The following USH1C variants were observed in gnomAD, a reference collection of about 807,000 sequenced individuals.
USH1C encodes the protein USH1 protein network component harmonin.
A neutral mutation model predicts 119.3 loss-of-function variants in USH1C; 90 were observed. The ratio of observed to expected loss-of-function variants is 0.75; its 90% confidence interval spans 0.64 to 0.90. USH1C has a LOEUF of 0.90. Among genes scored for constraint, USH1C ranks in the 40% least tolerant of loss-of-function variants. The probability of loss-of-function intolerance (pLI) is 0.00; values close to 1 mark genes in which losing one functional copy is unlikely to be tolerated. For synonymous variants in USH1C, 465 were observed against 443.3 expected (o/e 1.05, Z -0.62); for missense variants, 1,165 against 1,167.7 (o/e 1.00, Z 0.03).
intron 1 of USH1C, among the ~76,000 whole-genome samples, chr11:17,539,342 A>G (rs1342131823): frequency 1.3e-5 from 2 of 152,170 alleles, no homozygotes; most frequent in African/African-American, 4.8e-5. Context: ...GTGTGGTGGT[A>G]GAGCCAAAGA....
rs749937177 is a variant in USH1C at position 17,498,210 on chromosome 11, G to C, written c.2442C>G (p.Thr814=). The C allele has an allele frequency of 8.1e-6, 13 of 1,614,042 alleles. No homozygotes were observed. Among genetic ancestry groups the C allele is most frequent in the Non-Finnish European group, 1.1e-5 (13 of 1,180,024 alleles). Residue 814 remains threonine (T), a synonymous_variant, in exon 24 of 27, where the codon ACC becomes ACG. Transcript: ENST00000005226. ...AINGKIVTDY[T]LAEAEAALQK... ...GCAGGGCAGCCTCAGCCTCAGCCAG[G>C]GTGTAGTCTGTCACAATCTTGCCGT...
chr11:17,522,377 C>T (rs574718122), intron 12 of USH1C, among the ~76,000 whole-genome samples: 77 of 152,290 alleles, frequency 5.1e-4, no homozygotes, highest in Admixed American at 1.2e-3. Context: ...TGTCAGTCTC[C>T]ACACCTCTAA....
chr11:17,498,303 G>T (rs756498183), intron 23 of USH1C, 32 bp from the exon 24 acceptor site: 8 of 1,600,998 alleles, frequency 5.0e-6, no homozygotes, highest in Non-Finnish European at 6.8e-6. Flanking sequence ...TGGCCAACTG[G>T]GCTGTATGTG....
chr11:17,500,086 G>A (rs564889978), intron 23 of USH1C, among the ~76,000 whole-genome samples: 17 of 151,970 alleles, frequency 1.1e-4, no homozygotes, highest in African/African-American at 2.2e-4. Context: ...ACAGGTGAAC[G>A]GGGTGATGGT....
rs1271519390 is a variant in USH1C, at chr11:17,510,260, G to C, written c.1530+145C>G. 5.7e-6 allele frequency: 4 copies of C among 697,552 alleles called. No individual in the cohort carries two copies. In the East Asian group the frequency reaches 1.1e-4, roughly 19 times the overall value. 43.2% of individuals were successfully genotyped at this position (697,552 alleles called of 1,614,324 possible). A position where few individuals can be genotyped will look rare whatever the true frequency, so the allele number is the denominator to read the frequency against. On this transcript the variant is annotated intron_variant, in intron 17 of 26. Coordinates refer to ENST00000005226, the MANE Select transcript of USH1C (RefSeq NM_153676.4). ...TATCCCTCCTCCTCAAGAGGGGAGTGGGGTGGTAGGGGTGGGCCTGGACAG... is the reference window on the plus strand; with the variant it reads ...TATCCCTCCTCCTCAAGAGGGGAGTCGGGTGGTAGGGGTGGGCCTGGACAG...
At chr11:17,533,583 T>C (rs1314842251) in intron 1 of USH1C, 1 of 601,518 alleles carries the variant, frequency 1.7e-6, no homozygotes, top group African/African-American at 1.8e-5. Context: ...GGTGGGGCAA[T>C]ATGTGCACAC....
chr11:17,531,168 T>C lies in USH1C; in HGVS notation c.373A>G (p.Ser125Gly). 6.2e-7 allele frequency: 1 copy of C among 1,614,120 alleles called. No individual in the cohort carries two copies. Among genetic ancestry groups the C allele is most frequent in the Non-Finnish European group, 8.5e-7 (1 of 1,180,032 alleles). The change falls in exon 4 of 27, where the codon AGC (serine) becomes GGC (glycine). Residue 125 changes from serine (S) to glycine (G), a missense_variant. Physicochemically the swap from Ser to Gly is moderately conservative, Grantham distance 56. Transcript: ENST00000005226. This position sits in a 1 kb window ranked among gnomAD's most constrained non-coding sequence, Gnocchi z 4.2. ...SHLIKGGQADSVGLQVGDEIV... is the reference protein window; with the variant it reads ...SHLIKGGQADGVGLQVGDEIV... ...TGTTTGCTCACCTGGAGCCCGACGC[T>C]GTCTGCCTGACCGCCTTTGATGAGG...
At chr11:17,535,294 C>G (rs2133938091) in intron 1 of USH1C, among the ~76,000 whole-genome samples, 1 of 152,224 alleles carries the variant, frequency 6.6e-6, no homozygotes, top group African/African-American at 2.4e-5. Context: ...TTCCCACAGG[C>G]CGAACGCTCT....
chr11:17,498,049 G>T, intron 24 of USH1C, 113 bp downstream of exon 24: 1 of 884,498 alleles, frequency 1.1e-6, no homozygotes, highest in Non-Finnish European at 1.9e-6. Flanking sequence ...GTGTTGCCTG[G>T]ACTCCAGATG....
intron 1 of USH1C, among the ~76,000 whole-genome samples, chr11:17,536,853 G>A (rs531490077): frequency 6.6e-6 from 1 of 152,330 alleles, no homozygotes; most frequent in East Asian, 1.9e-4. Flanking sequence ...AGCTAACAGG[G>A]AAAATAGATC....
chr11:17,525,640 T>A (rs913912401), intron 8 of USH1C, among the ~76,000 whole-genome samples: 2 of 152,184 alleles, frequency 1.3e-5, no homozygotes, highest in Non-Finnish European at 2.9e-5. Context: ...GGCACCTGCA[T>A]GCTTAAGCCC....
rs1565028122 is a variant in USH1C, at chr11:17,505,894, T to C, written c.2069A>G (p.Lys690Arg). The C allele has an allele frequency of 1.9e-6, 3 of 1,614,082 alleles. No homozygotes were observed. The highest frequency in any genetic ancestry group is 1.1e-5 in the South Asian group (1 of 91,064). The change falls in exon 19 of 27, where the codon AAA (lysine) becomes AGA (arginine). Residue 690 changes from lysine (K) to arginine (R), a missense_variant. By Grantham distance (26) the Lys-to-Arg change is conservative (BLOSUM62 2). Transcript: ENST00000005226. ...PRGPGVSTIS[K>R]PVMVHQEPNF... is the part of the protein sequence containing the mutation. ...GGGCTCCTGGTGGACCATGACAGGT[T>C]TGGAGATGGTGGACACGCCAGGGCC...
At chr11:17,499,649 G>C (rs1282481354) in intron 23 of USH1C, among the ~76,000 whole-genome samples, 1 of 152,190 alleles carries the variant, frequency 6.6e-6, no homozygotes, top group Non-Finnish European at 1.5e-5. Context: ...TGATGGGCTG[G>C]GGCAGCTGCC....
In USH1C at chr11:17,533,267, C is replaced by T. The variant is rs776511246; in HGVS notation, c.92G>A (p.Arg31Gln). Residue 31 changes from arginine (R) to glutamine (Q), a missense_variant, in exon 2 of 27, where the codon CGA becomes CAA. By Grantham distance (43) the Arg-to-Gln change is conservative. Coordinates refer to ENST00000005226, the MANE Select transcript of USH1C (RefSeq NM_153676.4). ...CCAGCACACTTACTGGTGGTACATTCGCAGCACATCATAGAGATAGTCCTT... is the reference window on the plus strand; with the variant it reads ...CCAGCACACTTACTGGTGGTACATTTGCAGCACATCATAGAGATAGTCCTT... ...AEKDYLYDVL[R>Q]MYHQTMDVAV... 81 of 1,613,814 alleles carry T rather than the reference C, an allele frequency of 5.0e-5. No homozygotes were observed. The South Asian group carries it at 7.0e-4, about 14-fold the overall frequency.
rs1850746589 is a variant in USH1C, at chr11:17,527,305, A to G, written c.414T>C (p.Asn138=). 1 of 1,613,068 alleles carries G rather than the reference A, an allele frequency of 6.2e-7. No individual in the cohort carries two copies. ...LQVGDEIVRI[N]GYSISSCTHE... ...GGGTACAGGAGGAGATGGAATATCC[A>G]TTGATCCGGACGATCTCGTCCCCTA... is the stretch of plus-strand genomic sequence containing the variant. The change falls in exon 5 of 27, where the codon AAT becomes AAC. Residue 138 remains asparagine, a synonymous_variant. Transcript: ENST00000005226.
rs766723260 is a variant in USH1C at position 17,512,062 on chromosome 11, G to C, written c.1261-8C>G. 6.2e-7 allele frequency: 1 copy of C among 1,613,972 alleles called. No individual in the cohort carries two copies. Among genetic ancestry groups the C allele is most frequent in the Non-Finnish European group, 8.5e-7 (1 of 1,179,988 alleles). On this transcript the variant is annotated splice_region_variant and splice_polypyrimidine_tract_variant and intron_variant, in intron 15 of 26. Transcript: ENST00000005226. ...CTTCTTATCTTTTCCTTTCTGAGTA[G>C]ATGTGGCATTGTTTATATGACAAAG...
At chr11:17,529,357 AGGACTAGGTCCTGTGGGAGG>A (rs1850855520) in intron 4 of USH1C, among the ~76,000 whole-genome samples, 1 of 152,196 alleles carries the variant, frequency 6.6e-6, no homozygotes, top group Non-Finnish European at 1.5e-5. Flanking sequence ...GTGGACCCCC[AGGACTAGGTCCTGTGGGAGG>A]GTCCAAGCCC....
chr11:17,519,998 T>C (rs1304608402), intron 14 of USH1C, among the ~76,000 whole-genome samples: 2 of 152,212 alleles, frequency 1.3e-5, no homozygotes, highest in African/African-American at 4.8e-5. Context: ...AGCCCCTTGC[T>C]GGAGGTTCCC....
intron 9 of USH1C, among the ~76,000 whole-genome samples, chr11:17,524,146 T>A (rs1285684716): frequency 2.0e-5 from 3 of 152,202 alleles, no homozygotes; most frequent in African/African-American, 7.2e-5. Context: ...CCCTCAGCAT[T>A]CTTGTGAAGT....
Sources: allele counts gnomAD v4.1 joint callset (sites outside exome capture counted in the v4.1 genomes callset), GRCh38; gene constraint gnomAD v4.1.1; non-coding constraint Gnocchi (gnomAD v3.1); transcripts MANE v1.5; gene names NCBI Gene and HGNC (gene_info 2026-07-23, HGNC 2026-07-21).